Variants in MAP7D1 observed in about 807,000 individuals in gnomAD.
MAP7D1 encodes the protein MAP7 domain-containing protein 1.
A neutral mutation model predicts 97.5 loss-of-function variants in MAP7D1; 30 were observed. That is an observed-to-expected ratio of 0.31 (90% CI 0.23 to 0.42). The LOEUF is 0.42. Among genes scored for constraint, MAP7D1 ranks in the 10% least tolerant of loss-of-function variants. The pLI is 1.00. For missense variants in MAP7D1, 1,184 were observed against 1,179.5 expected, an observed-to-expected ratio of 1.00 and a Z score of -0.06; for synonymous variants, 536 against 477.1, an observed-to-expected ratio of 1.12 and a Z score of -1.61.
At chr1:36,157,548 T>G (rs1466390189) in intron 1 of MAP7D1, among the ~76,000 whole-genome samples, 1 of 152,154 alleles carries the variant, frequency 6.6e-6, no homozygotes, top group East Asian at 1.9e-4. Flanking sequence ...GCGATTTCTC[T>G]TTCTTCCTGG....
chr1:36,163,082 G>A (rs1299002620), intron 1 of MAP7D1, among the ~76,000 whole-genome samples: 1 of 152,120 alleles, frequency 6.6e-6, no homozygotes, highest in African/African-American at 2.4e-5. Context: ...CAAAAGGAAA[G>A]GACTGCCAGC....
chr1:36,166,094 C>A (rs941625616), intron 1 of MAP7D1, among the ~76,000 whole-genome samples: 1 of 151,952 alleles, frequency 6.6e-6, no homozygotes, highest in Non-Finnish European at 1.5e-5. Flanking sequence ...AAAATAAAGA[C>A]CTGAAGGAGG....
intron 4 of MAP7D1, among the ~76,000 whole-genome samples, chr1:36,172,873 G>A (rs532756989): frequency 4.6e-5 from 7 of 152,314 alleles, no homozygotes; most frequent in Admixed American, 2.6e-4. Context: ...ACCTGTGTTC[G>A]TACATGTACC....
At chr1:36,175,809 G>T (rs1037809110) in intron 6 of MAP7D1, among the ~76,000 whole-genome samples, 6 of 152,226 alleles carry the variant, frequency 3.9e-5, no homozygotes, top group Non-Finnish European at 8.8e-5. Flanking sequence ...CTGAATCCAT[G>T]GGACAGCCTC....
In MAP7D1 at chr1:36,176,545, C is replaced by T; in HGVS notation, c.1197C>T (p.Ser399=). The T allele has an allele frequency of 1.4e-6, 2 of 1,441,488 alleles. No homozygotes were observed. The highest frequency in any genetic ancestry group is 1.8e-6 in the Non-Finnish European group (2 of 1,096,818). 89.3% of individuals were successfully genotyped at this position (1,441,488 alleles called of 1,614,324 possible). Residue 399 remains serine, a synonymous_variant, in exon 7 of 17, where the codon AGC becomes AGT. Coordinates refer to ENST00000474796, the MANE Select transcript of MAP7D1 (RefSeq NM_001388490.1). This position sits in a 1 kb window ranked among gnomAD's most constrained non-coding sequence, Gnocchi z 6.1. ...GCCGCAAGCCCAACGCCGGGGGCAG[C>T]CCCGCTCCGGTGCGCCGCCGGCCGG... The part of the protein sequence containing the change: ...GERRKPNAGG[S]PAPVRRRPEA...
At chr1:36,165,417 C>T (rs1341921165) in intron 1 of MAP7D1, among the ~76,000 whole-genome samples, 4 of 151,624 alleles carry the variant, frequency 2.6e-5, no homozygotes, top group Non-Finnish European at 5.9e-5. Flanking sequence ...GCCACCTTGC[C>T]TGGCCTTTAT....
In MAP7D1 at chr1:36,176,352, C is replaced by T. The variant is rs1644620508; in HGVS notation, c.1004C>T (p.Thr335Met). 5 of 1,526,490 alleles carry T rather than the reference C, an allele frequency of 3.3e-6. No individual in the cohort carries two copies. The highest frequency in any genetic ancestry group is 1.4e-5 in the African/African-American group (1 of 71,338). The allele number at this position is 1,526,490 out of a possible 1,614,324, so 94.6% of individuals were successfully genotyped here. ...GRGCDPGRGP[T>M]WGRAGASLAR... ...GGCTGCGACCCTGGGAGAGGCCCCA[C>T]GTGGGGCCGGGCAGGGGCCAGCCTG... is the stretch of plus-strand genomic sequence containing the variant. Residue 335 changes from threonine (T) to methionine (M), a missense_variant, in exon 7 of 17, where the codon ACG becomes ATG. Coordinates refer to ENST00000474796, the MANE Select transcript of MAP7D1 (RefSeq NM_001388490.1). This position sits in a 1 kb window ranked among gnomAD's most constrained non-coding sequence, Gnocchi z 6.1.
intron 1 of MAP7D1, among the ~76,000 whole-genome samples, chr1:36,170,188 CA>C (rs1210502497): frequency 6.6e-6 from 1 of 152,190 alleles, no homozygotes; most frequent in East Asian, 1.9e-4. Flanking sequence ...TCAATTGCCC[CA>C]CATGTGTATA....
Position 36,172,504 on chromosome 1 carries a change from C to T in MAP7D1, c.501C>T (p.Ala167=). ...TGTGGCTGGAGAAGGAGGAGAAGGC[C>T]AAGGCGCTGCGGGAGAAGCAGCTCC... ...KAVWLEKEEK[A]KALREKQLQE... The change falls in exon 4 of 17, where the codon GCC becomes GCT. Residue 167 remains alanine (A), a synonymous_variant. Transcript: ENST00000474796. 6.2e-7 allele frequency: 1 copy of T among 1,601,300 alleles called. No homozygotes were observed. The highest frequency in any genetic ancestry group is 1.3e-5 in the African/African-American group (1 of 74,858).
chr1:36,179,139 C>A, intron 12 of MAP7D1, 114 bp downstream of exon 12: 5 of 1,487,162 alleles, frequency 3.4e-6, no homozygotes, highest in Non-Finnish European at 2.8e-6. Flanking sequence ...AATTCCAGTT[C>A]CTGTCCTGGA....
At chr1:36,173,759 A>G (rs1170779154) in intron 5 of MAP7D1, among the ~76,000 whole-genome samples, 3 of 152,120 alleles carry the variant, frequency 2.0e-5, no homozygotes, top group Non-Finnish European at 2.9e-5. Flanking sequence ...TTAGTTGTTG[A>G]TACATAAAAG....
In MAP7D1 at chr1:36,172,645, G is replaced by C; in HGVS notation, c.624+18G>C. The C allele has an allele frequency of 3.2e-6, 5 of 1,547,312 alleles. No homozygotes were observed. The highest frequency in any genetic ancestry group is 4.4e-6 in the Non-Finnish European group (5 of 1,135,664). ...AAAACAAGGTGCGGGATGGGTCTCCGTGAATCCATGTACACGTGTGCTCAC... is the reference window on the plus strand; with the variant it reads ...AAAACAAGGTGCGGGATGGGTCTCCCTGAATCCATGTACACGTGTGCTCAC... On this transcript the variant is annotated intron_variant, in intron 4 of 16. Transcript: ENST00000474796.
intron 1 of MAP7D1, among the ~76,000 whole-genome samples, chr1:36,163,486 C>G (rs1644437622): frequency 6.6e-6 from 1 of 152,170 alleles, no homozygotes; most frequent in Non-Finnish European, 1.5e-5. Flanking sequence ...GTATAGATAA[C>G]TAACCAAGGA....
In MAP7D1 at chr1:36,175,003, G is replaced by GT. The variant is rs1644599026; in HGVS notation, c.846dup (p.Arg283Ter). 3 of 1,610,300 alleles carry GT rather than the reference G, an allele frequency of 1.9e-6. No individual in the cohort carries two copies. ...TCTGCCACGCTCTGGAACTCCCCCA[G>GT]TAGAAGTAAGAGAAGGCCCAGCCCT... On this transcript the variant is annotated frameshift_variant, in exon 6 of 17. Coordinates refer to ENST00000474796, the MANE Select transcript of MAP7D1 (RefSeq NM_001388490.1). LOFTEE classifies it high-confidence loss of function.
At chr1:36,179,487 G>C in intron 13 of MAP7D1, 28 bp from the exon 14 acceptor site, 1 of 1,579,676 alleles carries the variant, frequency 6.3e-7, no homozygotes, top group Non-Finnish European at 8.6e-7. Context: ...TGTCCCTTGA[G>C]CCTGACTGCT....
chr1:36,170,908 A>G, intron 1 of MAP7D1, 63 bp from the exon 2 acceptor site: 1 of 704,382 alleles, frequency 1.4e-6, no homozygotes, highest in Non-Finnish European at 2.5e-6. Flanking sequence ...AGAGGGCCAC[A>G]TATGGGGCTG....
intron 1 of MAP7D1, among the ~76,000 whole-genome samples, chr1:36,160,364 A>G (rs1293750078): frequency 1.3e-5 from 2 of 152,148 alleles, no homozygotes; most frequent in African/African-American, 4.8e-5. Context: ...AGCGCTCCTC[A>G]GCAGTTGTAA....
At chr1:36,166,251 G>C (rs1206531886) in intron 1 of MAP7D1, among the ~76,000 whole-genome samples, 1 of 152,134 alleles carries the variant, frequency 6.6e-6, no homozygotes, top group Admixed American at 6.5e-5. Flanking sequence ...AACTGAGCAG[G>C]GGGAGAAGAG....
chr1:36,176,537 G>C lies in MAP7D1; in HGVS notation c.1189G>C (p.Gly397Arg), dbSNP rs753970454. The C allele has an allele frequency of 1.4e-6, 2 of 1,401,516 alleles. No individual in the cohort carries two copies. Among genetic ancestry groups the C allele is most frequent in the Non-Finnish European group, 1.9e-6 (2 of 1,078,590 alleles). The allele number at this position is 1,401,516 out of a possible 1,614,324, so 86.8% of individuals were successfully genotyped here. A position where few individuals can be genotyped will look rare whatever the true frequency, so the allele number is the denominator to read the frequency against. The change falls in exon 7 of 17, where the codon GGG becomes CGG. Residue 397 changes from glycine to arginine, a missense_variant. Transcript: ENST00000474796. This position sits in a 1 kb window ranked among gnomAD's most constrained non-coding sequence, Gnocchi z 6.1. ...CGGGGAGCGCCGCAAGCCCAACGCC[G>C]GGGGCAGCCCCGCTCCGGTGCGCCG... ...ERGERRKPNAGGSPAPVRRRP... is the reference protein window; with the variant it reads ...ERGERRKPNARGSPAPVRRRP...
Sources: allele counts gnomAD v4.1 joint callset (sites outside exome capture counted in the v4.1 genomes callset), GRCh38; gene constraint gnomAD v4.1.1; non-coding constraint Gnocchi (gnomAD v3.1); transcripts MANE v1.5; gene names NCBI Gene and HGNC (gene_info 2026-07-23, HGNC 2026-07-21).